Variants in KAT6A observed in about 807,000 individuals in gnomAD.
The protein encoded by KAT6A is lysine acetyltransferase 6A.
A neutral mutation model predicts 198.4 loss-of-function variants in KAT6A; 9 were observed. That is an observed-to-expected ratio of 0.05 (90% CI 0.03 to 0.08). The LOEUF is 0.08. KAT6A is among the 10% of genes least tolerant of loss of function. The pLI is 1.00. For synonymous variants in KAT6A, 890 were observed against 883.0 expected (o/e 1.01, Z -0.14); for missense variants, 2,077 against 2,509.9 (o/e 0.83, Z 3.69).
chr8:42,013,954 C>G lies in KAT6A; in HGVS notation c.601-26391G>C, dbSNP rs537096717. 1.3e-4 allele frequency among the ~76,000 whole-genome samples: 20 copies of G among 152,292 alleles called. 1 individual carries two copies. The South Asian group carries it at 3.7e-3, about 28-fold the overall frequency. On this transcript the variant is annotated intron_variant, in intron 2 of 16. Transcript: ENST00000265713. ...TCACAGGGTCTCTGTTAAAACCACT[C>G]AAGTCTGCCGCGGTACCGTGAAAGA...
chr8:42,016,315 TCTTA>T (rs964898581), intron 2 of KAT6A, among the ~76,000 whole-genome samples: 7 of 152,352 alleles, frequency 4.6e-5, no homozygotes, highest in African/African-American at 1.4e-4. Context: ...ACAACTCTCT[TCTTA>T]CTGTTTTAAA....
intron 2 of KAT6A, among the ~76,000 whole-genome samples, chr8:42,042,244 G>A (rs1827704008): frequency 6.6e-6 from 1 of 152,108 alleles, no homozygotes; most frequent in Admixed American, 6.6e-5. Flanking sequence ...GGATCATGAG[G>A]TCAGGAGTTC....
chr8:42,007,975 A>C (rs1825831551), intron 2 of KAT6A, among the ~76,000 whole-genome samples: 1 of 151,524 alleles, frequency 6.6e-6, no homozygotes, highest in Admixed American at 6.6e-5. Context: ...AAAAAAAAAA[A>C]AAAAAAAAAA....
chr8:41,995,796 C>A (rs1825175107), intron 2 of KAT6A, among the ~76,000 whole-genome samples: 1 of 151,478 alleles, frequency 6.6e-6, no homozygotes, highest in African/African-American at 2.4e-5. Flanking sequence ...TTGCCTCAGC[C>A]TCTCGAGTAG....
intron 13 of KAT6A, among the ~76,000 whole-genome samples, 175 bp from the exon 14 acceptor site, chr8:41,943,175 G>A (rs1822223555): frequency 6.6e-6 from 1 of 152,244 alleles, no homozygotes; most frequent in African/African-American, 2.4e-5. Flanking sequence ...GGAGTGTGAA[G>A]CAGGACAAAT....
intron 8 of KAT6A, among the ~76,000 whole-genome samples, chr8:41,962,321 T>C (rs921673676): frequency 6.6e-6 from 1 of 152,100 alleles, no homozygotes; most frequent in Non-Finnish European, 1.5e-5. Flanking sequence ...ATATCCCCTC[T>C]CACATCAGGT....
intron 2 of KAT6A, among the ~76,000 whole-genome samples, chr8:42,021,444 T>C (rs1033467428): frequency 3.3e-5 from 5 of 152,180 alleles, no homozygotes; most frequent in African/African-American, 9.7e-5. Flanking sequence ...AAAGGTAAGG[T>C]TGCTTTATGA....
intron 2 of KAT6A, among the ~76,000 whole-genome samples, chr8:42,017,483 G>A (rs1024161803): frequency 6.6e-6 from 1 of 152,118 alleles, no homozygotes. Flanking sequence ...AAAGCAGAGA[G>A]GTAGTAGTGG....
intron 8 of KAT6A, 194 bp downstream of exon 8, chr8:41,974,510 A>G: frequency 2.4e-6 from 1 of 413,910 alleles, no homozygotes; most frequent in Non-Finnish European, 4.3e-6. Flanking sequence ...CCATGTGCTT[A>G]TCTGCAAAAC....
Position 41,931,392 on chromosome 8 carries a change from T to G in KAT6A, c.*813A>C, listed in dbSNP as rs894777951. 1 of 213,004 alleles carries G rather than the reference T, an allele frequency of 4.7e-6. No homozygotes were observed. Among genetic ancestry groups the G allele is most frequent in the African/African-American group, 2.3e-5 (1 of 44,142 alleles). The allele number at this position is 213,004 out of a possible 1,614,324, so 13.2% of individuals were successfully genotyped here. On this transcript the variant is annotated 3_prime_UTR_variant, in exon 17 of 17. Coordinates refer to ENST00000265713, the MANE Select transcript of KAT6A (RefSeq NM_006766.5). ...GGCTGGATTTGGATTGCAAACAGCT[T>G]TTCTCTGAGATTCTGCTGTTAATTG...
intron 6 of KAT6A, 89 bp downstream of exon 6, chr8:41,978,553 A>AT: frequency 2.9e-6 from 4 of 1,386,220 alleles, no homozygotes; most frequent in Non-Finnish European, 4.0e-6. Flanking sequence ...TGACAATGGA[A>AT]TTTTTTTCAT....
intron 3 of KAT6A, among the ~76,000 whole-genome samples, 189 bp from the exon 4 acceptor site, chr8:41,982,143 T>G (rs1824387645): frequency 1.3e-5 from 2 of 152,104 alleles, no homozygotes; most frequent in Non-Finnish European, 2.9e-5. Context: ...GTTTTATTAA[T>G]GTTAAAGAGA....
At chr8:42,032,181 T>C (rs1340495462) in intron 2 of KAT6A, among the ~76,000 whole-genome samples, 3 of 152,164 alleles carry the variant, frequency 2.0e-5, no homozygotes, top group South Asian at 2.1e-4. Flanking sequence ...TCATGAACTG[T>C]AGTCTTGCAC....
chr8:42,025,216 T>G (rs1262920455), intron 2 of KAT6A, among the ~76,000 whole-genome samples: 2 of 152,040 alleles, frequency 1.3e-5, no homozygotes, highest in Non-Finnish European at 2.9e-5. Flanking sequence ...TTTTTTTGTT[T>G]TGTTTTGTTT....
chr8:41,961,426 A>G (rs532706594), intron 8 of KAT6A, among the ~76,000 whole-genome samples: 20 of 152,294 alleles, frequency 1.3e-4, no homozygotes, highest in Non-Finnish European at 1.9e-4. Context: ...CCATCAGCAT[A>G]CAAACAGCTG....
chr8:41,974,926 C>T (rs567784363), intron 7 of KAT6A, 104 bp from the exon 8 acceptor site: 29 of 632,782 alleles, frequency 4.6e-5, no homozygotes, highest in South Asian at 1.8e-4. Context: ...TAATATATAA[C>T]GAAGAATATA....
At chr8:42,034,901 C>T (rs936487536) in intron 2 of KAT6A, among the ~76,000 whole-genome samples, 4 of 152,176 alleles carry the variant, frequency 2.6e-5, no homozygotes, top group Non-Finnish European at 4.4e-5. Context: ...AATGGTTAAG[C>T]AAATTACCCA....
chr8:42,051,452 G>A (rs1226054670), intron 1 of KAT6A, among the ~76,000 whole-genome samples: 1 of 148,894 alleles, frequency 6.7e-6, no homozygotes, highest in African/African-American at 2.4e-5. Context: ...GGGGAGAAGC[G>A]GCCCGGCCCG....
intron 2 of KAT6A, among the ~76,000 whole-genome samples, chr8:42,029,257 A>G (rs565012675): frequency 6.6e-6 from 1 of 152,256 alleles, no homozygotes; most frequent in South Asian, 2.1e-4. Flanking sequence ...GCCATGGAGA[A>G]CACCTTATGG....
Sources: allele counts gnomAD v4.1 joint callset (sites outside exome capture counted in the v4.1 genomes callset), GRCh38; gene constraint gnomAD v4.1.1; transcripts MANE v1.5; gene names NCBI Gene and HGNC (gene_info 2026-07-23, HGNC 2026-07-21).